Variants in CDKAL1 observed in about 807,000 individuals in gnomAD.
CDKAL1 encodes the protein CDKAL1 threonylcarbamoyladenosine tRNA methylthiotransferase.
CDKAL1 carries 32 observed loss-of-function variants against 68.2 expected under a neutral mutation model. The observed-to-expected ratio is 0.47, with a 90% CI of 0.35 to 0.63. The LOEUF (loss-of-function observed/expected upper bound fraction) is 0.63, where lower values mean the gene tolerates loss of function less well. Among genes scored for constraint, CDKAL1 ranks in the 30% least tolerant of loss-of-function variants. The pLI is 0.00. For synonymous variants in CDKAL1, 234 were observed against 244.3 expected (o/e 0.96, Z 0.39); for missense variants, 606 against 696.7 (o/e 0.87, Z 1.47).
chr6:20,538,018 T>C (rs746875504), intron 2 of CDKAL1, among the ~76,000 whole-genome samples: 1 of 152,206 alleles, frequency 6.6e-6, no homozygotes, highest in Non-Finnish European at 1.5e-5. Context: ...GTTATATTTA[T>C]CTTTTTTGAG....
chr6:20,754,557 G>A (rs1774087713), intron 6 of CDKAL1, among the ~76,000 whole-genome samples: 2 of 152,118 alleles, frequency 1.3e-5, no homozygotes, highest in Non-Finnish European at 2.9e-5. Flanking sequence ...TAATGATGTT[G>A]AGCATCTTTT....
chr6:20,554,017 G>C (rs1435134915), intron 4 of CDKAL1, among the ~76,000 whole-genome samples: 3 of 151,500 alleles, frequency 2.0e-5, no homozygotes, highest in Admixed American at 2.0e-4. Context: ...ATGGGGTTTT[G>C]CCATGTTGGC....
At chr6:20,543,010 T>C (rs534929884) in intron 2 of CDKAL1, among the ~76,000 whole-genome samples, 85 of 152,382 alleles carry the variant, frequency 5.6e-4, no homozygotes, top group African/African-American at 1.9e-3. Flanking sequence ...CATTTCTTTT[T>C]ATTGCTCAAT....
In CDKAL1 at chr6:20,862,414, A is replaced by G. The variant is rs1469047925; in HGVS notation, c.742+16236A>G. On this transcript the variant is annotated intron_variant, in intron 9 of 15. Transcript: ENST00000274695. The stretch of plus-strand genomic sequence containing the variant: ...ACTCTTATCCAACCTCAGTTTTCCC[A>G]TTGTAAAAATAAGGATAAAGCATAC... Among the ~76,000 whole-genome samples, 5 of 152,358 alleles carry G rather than the reference A, an allele frequency of 3.3e-5. No individual in the cohort carries two copies. The East Asian group carries it at 9.6e-4, about 29-fold the overall frequency.
chr6:20,752,238 A>ATT (rs34996587), intron 6 of CDKAL1, among the ~76,000 whole-genome samples: 68 of 149,566 alleles, frequency 4.5e-4, no homozygotes, highest in African/African-American at 6.6e-4. Flanking sequence ...AAGTACTTAC[A>ATT]TTTTTTTTTT....
intron 8 of CDKAL1, among the ~76,000 whole-genome samples, chr6:20,810,540 T>C (rs1232209599): frequency 6.6e-6 from 1 of 150,952 alleles, no homozygotes. Flanking sequence ...CAGGCTGCAG[T>C]GAGCTATGAT....
chr6:20,709,124 TAA>T (rs57111800), intron 5 of CDKAL1, among the ~76,000 whole-genome samples: 89 of 149,860 alleles, frequency 5.9e-4, no homozygotes, highest in African/African-American at 2.0e-3. Context: ...TAACAGCTGT[TAA>T]AAAAAAAATG....
intron 7 of CDKAL1, among the ~76,000 whole-genome samples, chr6:20,766,596 G>C (rs775395822): frequency 6.6e-6 from 1 of 152,064 alleles, no homozygotes; most frequent in African/African-American, 2.4e-5. Context: ...GTAGTGTTTT[G>C]GCAGATTTCA....
intron 4 of CDKAL1, among the ~76,000 whole-genome samples, chr6:20,565,261 G>C (rs1764418500): frequency 6.6e-6 from 1 of 152,032 alleles, no homozygotes; most frequent in African/African-American, 2.4e-5. Flanking sequence ...GGTAAGTTTA[G>C]AAGTCCAAGA....
intron 4 of CDKAL1, among the ~76,000 whole-genome samples, chr6:20,573,369 A>C (rs906708135): frequency 1.3e-5 from 2 of 150,632 alleles, no homozygotes; most frequent in East Asian, 3.9e-4. Flanking sequence ...TTCAACAAAA[A>C]CCTCAAGTTA....
In CDKAL1 at chr6:21,095,575, C is replaced by G. The variant is rs964938913; in HGVS notation, c.1237-12826C>G. On this transcript the variant is annotated intron_variant, in intron 12 of 15. Coordinates refer to ENST00000274695, the MANE Select transcript of CDKAL1 (RefSeq NM_017774.3). ...TCTTGGTCCCCCTTTCCCCCCAACC[C>G]CCCTCCTACCCCTACACACATACAT... 4.6e-5 allele frequency among the ~76,000 whole-genome samples: 7 copies of G among 151,258 alleles called. No homozygotes were observed. The South Asian group carries it at 1.3e-3, about 28-fold the overall frequency.
At chr6:20,930,947 G>C (rs980207036) in intron 9 of CDKAL1, among the ~76,000 whole-genome samples, 7 of 150,214 alleles carry the variant, frequency 4.7e-5, no homozygotes, top group Non-Finnish European at 8.9e-5. Context: ...GTTTCACCAT[G>C]TTGGCCAAGA....
intron 7 of CDKAL1, among the ~76,000 whole-genome samples, chr6:20,769,415 TGCTTG>T (rs1236102731): frequency 2.0e-5 from 3 of 152,040 alleles, no homozygotes; most frequent in African/African-American, 7.2e-5. Flanking sequence ...TGCACCACTA[TGCTTG>T]GCTTATTTTT....
At chr6:21,171,217 T>A (rs1332465726) in intron 13 of CDKAL1, among the ~76,000 whole-genome samples, 9 of 152,116 alleles carry the variant, frequency 5.9e-5, no homozygotes, top group Admixed American at 5.9e-4. Context: ...GCATACAAGT[T>A]ACTTCTTTTT....
intron 4 of CDKAL1, among the ~76,000 whole-genome samples, chr6:20,552,424 T>A (rs535948273): frequency 6.2e-4 from 94 of 152,240 alleles, no homozygotes; most frequent in African/African-American, 2.2e-3. Flanking sequence ...TCATATTAAA[T>A]ATCTAATACA....
intron 4 of CDKAL1, among the ~76,000 whole-genome samples, chr6:20,568,753 A>AAAAAAAAAAAAAC (rs1561931956): frequency 7.8e-6 from 1 of 127,508 alleles, no homozygotes; most frequent in Non-Finnish European, 1.6e-5. Context: ...AAAAAAAACA[A>AAAAAAAAAAAAAC]AAAAACAAAA....
At chr6:20,653,945 C>T (rs959768507) in intron 5 of CDKAL1, among the ~76,000 whole-genome samples, 1 of 151,732 alleles carries the variant, frequency 6.6e-6, no homozygotes, top group Non-Finnish European at 1.5e-5. Context: ...TGCGGTTTCA[C>T]CGTGTTGGCC....
intron 8 of CDKAL1, among the ~76,000 whole-genome samples, chr6:20,787,217 A>G (rs1775713131): frequency 6.6e-6 from 1 of 152,184 alleles, no homozygotes; most frequent in Non-Finnish European, 1.5e-5. Flanking sequence ...TTTAAGGGGA[A>G]TATAATTTTC....
At position 21,045,350 on chromosome 6, in the gene CDKAL1, A is replaced by G. The variant is rs116211008; in HGVS notation, c.1056-19698A>G. 9.5e-3 allele frequency among the ~76,000 whole-genome samples: 1,445 copies of G among 152,262 alleles called. 25 individuals are homozygous for G. The highest frequency in any genetic ancestry group is 0.033 in the African/African-American group (1,373 of 41,564). ...AGATTCTTTTGCCAAAAATGATGTA[A>G]TCAGTGCTACTTTCTAGACCTTGCA... On this transcript the variant is annotated intron_variant, in intron 11 of 15. Coordinates refer to ENST00000274695, the MANE Select transcript of CDKAL1 (RefSeq NM_017774.3).
Sources: gnomAD v4.1 joint callset for allele counts (sites outside exome capture counted in the v4.1 genomes callset) on GRCh38, gnomAD v4.1.1 for gene constraint, MANE v1.5 for transcripts, NCBI Gene and HGNC (gene_info 2026-07-23, HGNC 2026-07-21) for gene names.